Variants in LRBA observed in about 807,000 individuals in gnomAD.
LRBA encodes the protein lipopolysaccharide-responsive and beige-like anchor protein.
In LRBA, 176 loss-of-function variants were observed where a neutral mutation model predicts 330.0. The observed-to-expected ratio is 0.53, with a 90% CI of 0.47 to 0.60. LRBA has a LOEUF of 0.60. LRBA is among the 20% of genes least tolerant of loss of function. LRBA has a pLI of 0.00. For synonymous variants in LRBA, 1,230 were observed against 1,193.0 expected, an observed-to-expected ratio of 1.03 and a Z score of -0.64; for missense variants, 3,259 against 3,444.8, an observed-to-expected ratio of 0.95 and a Z score of 1.35.
At chr4:150,296,926 C>T (rs1221014893) in intron 53 of LRBA, among the ~76,000 whole-genome samples, 1 of 145,270 alleles carries the variant, frequency 6.9e-6, no homozygotes, top group African/African-American at 2.6e-5. Context: ...CCACCGCCGG[C>T]ACAGAGTTCT....
intron 36 of LRBA, among the ~76,000 whole-genome samples, chr4:150,729,111 G>T (rs1052515495): frequency 1.4e-4 from 22 of 152,106 alleles, no homozygotes; most frequent in African/African-American, 5.1e-4. Context: ...TTGAGCCCAG[G>T]AGTTCGAGAC....
intron 47 of LRBA, among the ~76,000 whole-genome samples, chr4:150,386,776 T>C (rs1048580672): frequency 1.3e-5 from 2 of 152,326 alleles, no homozygotes; most frequent in South Asian, 2.1e-4. Flanking sequence ...TTTGGGTATA[T>C]ACCCAGTAAT....
In LRBA at chr4:150,545,928, GT is replaced by G. The variant is rs559122849; in HGVS notation, c.6330+42119del. ...CAACAGCTAATTCAGAAAAGAAAAA[GT>G]TTTTTTTTTTCTTTTTCCTATCCAT... On this transcript the variant is annotated intron_variant, in intron 40 of 56. Coordinates refer to ENST00000651943, the MANE Select transcript of LRBA (RefSeq NM_001364905.1). Among the ~76,000 whole-genome samples, 332 of 146,626 alleles carry G rather than the reference GT, an allele frequency of 2.3e-3. 2 individuals are homozygous for G. The highest frequency in any genetic ancestry group is 7.6e-3 in the African/African-American group (304 of 40,240).
At chr4:150,569,352 G>A (rs554780554) in intron 40 of LRBA, among the ~76,000 whole-genome samples, 1 of 152,130 alleles carries the variant, frequency 6.6e-6, no homozygotes, top group Admixed American at 6.6e-5. Context: ...TATGAAACAA[G>A]GAAAATTATA....
At chr4:150,322,382 T>C (rs1379977697) in intron 49 of LRBA, among the ~76,000 whole-genome samples, 1 of 152,214 alleles carries the variant, frequency 6.6e-6, no homozygotes. Context: ...GTAATTGCAC[T>C]GTACATTTTC....
At chr4:150,309,549 C>T (rs1730788254) in intron 52 of LRBA, among the ~76,000 whole-genome samples, 1 of 152,052 alleles carries the variant, frequency 6.6e-6, no homozygotes, top group African/African-American at 2.4e-5. Context: ...TAAGGGACAC[C>T]ATTAAATTTC....
Position 150,774,601 on chromosome 4 carries a change from G to A in LRBA, c.5581-12754C>T, listed in dbSNP as rs571955280. On this transcript the variant is annotated intron_variant, in intron 34 of 56. Coordinates refer to ENST00000651943, the MANE Select transcript of LRBA (RefSeq NM_001364905.1). ...CTACTGAGTGAACGGGAAGTATAAG[G>A]ATAATTGCCTCATTGAGAAATCCAT... Among the ~76,000 whole-genome samples, 4 of 152,324 alleles carry A rather than the reference G, an allele frequency of 2.6e-5. No homozygotes were observed. In the South Asian group the frequency reaches 8.3e-4, roughly 32 times the overall value.
At chr4:150,520,679 G>A (rs572883209) in intron 40 of LRBA, among the ~76,000 whole-genome samples, 51 of 152,138 alleles carry the variant, frequency 3.4e-4, no homozygotes, top group African/African-American at 1.1e-3. Flanking sequence ...GCAAACTAAC[G>A]CAGAAACAGA....
intron 29 of LRBA, 135 bp downstream of exon 29, chr4:150,831,682 T>C: frequency 3.6e-6 from 2 of 550,572 alleles, no homozygotes; most frequent in Non-Finnish European, 5.7e-6. Context: ...TTTTAGTTAA[T>C]AATAAAAATA....
At chr4:150,356,985 A>G (rs992728531) in intron 47 of LRBA, among the ~76,000 whole-genome samples, 36 of 152,170 alleles carry the variant, frequency 2.4e-4, no homozygotes, top group African/African-American at 7.9e-4. Context: ...TCAAAGATTT[A>G]GGGAAAAAAC....
chr4:150,389,911 A>ATTTTTTTTTTTTTTTTTTTT (rs34355782), intron 47 of LRBA, among the ~76,000 whole-genome samples: 2 of 111,724 alleles, frequency 1.8e-5, no homozygotes, highest in African/African-American at 3.3e-5. Flanking sequence ...TTGTCTGGGT[A>ATTTTTTTTTTTTTTTTTTTT]TTTTTTTTTT....
chr4:150,961,899 A>C (rs929548652), intron 2 of LRBA, among the ~76,000 whole-genome samples: 2 of 149,284 alleles, frequency 1.3e-5, no homozygotes, highest in African/African-American at 5.2e-5. Flanking sequence ...TGTATATTAA[A>C]TGTCTGACTA....
Position 150,583,866 on chromosome 4 carries a change from G to A in LRBA, c.6330+4182C>T. On this transcript the variant is annotated intron_variant, in intron 40 of 56. Coordinates refer to ENST00000651943, the MANE Select transcript of LRBA (RefSeq NM_001364905.1). The surrounding 1 kb of genome is among the most constrained non-coding windows in gnomAD (Gnocchi z 9.8). ...ACTACCACATGAAGACGCTGCTGCT[G>A]TACGAGTGCGAGAAACACCCACGAG... 1.2e-6 allele frequency: 2 copies of A among 1,614,048 alleles called. No individual in the cohort carries two copies. The highest frequency in any genetic ancestry group is 1.7e-6 in the Non-Finnish European group (2 of 1,179,962).
At chr4:150,445,819 C>G (rs13113373) in intron 44 of LRBA, among the ~76,000 whole-genome samples, 62,596 of 151,644 alleles carry the variant, frequency 0.41, 13,421 homozygotes, top group South Asian at 0.51. Context: ...TGCATGCTAC[C>G]ACACTGACAT....
intron 40 of LRBA, among the ~76,000 whole-genome samples, chr4:150,536,061 C>A (rs867094438): frequency 6.6e-6 from 1 of 151,970 alleles, no homozygotes; most frequent in African/African-American, 2.4e-5. Flanking sequence ...CTACTATAAG[C>A]AAGTAAATAG....
intron 44 of LRBA, among the ~76,000 whole-genome samples, chr4:150,440,299 C>T (rs1382313617): frequency 6.6e-6 from 1 of 151,764 alleles, no homozygotes; most frequent in Non-Finnish European, 1.5e-5. Context: ...CTCTAGAATA[C>T]AGAAAAATAA....
At chr4:150,981,868 CAGG>C (rs1169803491) in intron 2 of LRBA, among the ~76,000 whole-genome samples, 2 of 149,750 alleles carry the variant, frequency 1.3e-5, no homozygotes, top group African/African-American at 4.9e-5. Flanking sequence ...GAGGCTGAGG[CAGG>C]AGAACGGTGT....
chr4:150,754,871 T>C (rs956410907), intron 35 of LRBA, among the ~76,000 whole-genome samples: 9 of 152,292 alleles, frequency 5.9e-5, no homozygotes, highest in African/African-American at 2.2e-4. Flanking sequence ...CACTCAAGGA[T>C]TTCCAAGTGA....
At chr4:150,641,654 T>C (rs1778690816) in intron 37 of LRBA, among the ~76,000 whole-genome samples, 1 of 152,152 alleles carries the variant, frequency 6.6e-6, no homozygotes, top group South Asian at 2.1e-4. Context: ...CAAGTGGAAC[T>C]ATCTAAACAT....
Sources: allele counts gnomAD v4.1 joint callset (sites outside exome capture counted in the v4.1 genomes callset), GRCh38; gene constraint gnomAD v4.1.1; non-coding constraint Gnocchi (gnomAD v3.1); transcripts MANE v1.5; gene names NCBI Gene and HGNC (gene_info 2026-07-23, HGNC 2026-07-21).